Variants in DPP10 observed in about 807,000 individuals in gnomAD.
DPP10 encodes the protein dipeptidyl peptidase like 10.
Under a neutral mutation model 120.9 loss-of-function variants are expected in DPP10, and 33 were observed. That is an observed-to-expected ratio of 0.27 (90% CI 0.21 to 0.37). The LOEUF (loss-of-function observed/expected upper bound fraction) is 0.37. Among genes scored for constraint, DPP10 ranks in the 10% least tolerant of loss-of-function variants. DPP10 has a pLI of 1.00. For missense variants in DPP10, 816 were observed against 942.8 expected (o/e 0.87, Z 1.76); for synonymous variants, 337 against 326.1 (o/e 1.03, Z -0.36).
rs191633164 is a variant in DPP10, at chr2:115,004,837, C to T, written c.61-304402C>T. 7.0e-3 allele frequency among the ~76,000 whole-genome samples: 1,058 copies of T among 152,178 alleles called. 12 individuals carry two copies. The highest frequency in any genetic ancestry group is 0.024 in the African/African-American group (1,011 of 41,518). ...GGCTTGCTTAGGTAAACAAAGCAGCCGGGAAGCTTGAACTGGGTGGAGCCC... is the reference window on the plus strand; with the variant it reads ...GGCTTGCTTAGGTAAACAAAGCAGCTGGGAAGCTTGAACTGGGTGGAGCCC... On this transcript the variant is annotated intron_variant, in intron 1 of 25. Transcript: ENST00000410059.
Position 114,587,233 on chromosome 2 carries a change from G to A in DPP10, c.60+144395G>A, listed in dbSNP as rs376060462. 6.6e-5 allele frequency among the ~76,000 whole-genome samples: 10 copies of A among 151,194 alleles called. No homozygotes were observed. The East Asian group carries it at 7.8e-4, about 12-fold the overall frequency. ...GGAAAATCGCTTGAACCCAGGAGGC[G>A]GAGGTTGCAGTGGGCCAAGATCGCG... On this transcript the variant is annotated intron_variant, in intron 1 of 25. Transcript: ENST00000410059.
intron 1 of DPP10, among the ~76,000 whole-genome samples, chr2:114,696,766 A>G (rs1188772801): frequency 1.3e-5 from 2 of 151,972 alleles, no homozygotes; most frequent in Non-Finnish European, 2.9e-5. Context: ...TGGAGAGGTG[A>G]ATGAAAAAGT....
At chr2:115,646,085 CA>C (rs1226335109) in intron 5 of DPP10, among the ~76,000 whole-genome samples, 1 of 152,018 alleles carries the variant, frequency 6.6e-6, no homozygotes, top group East Asian at 1.9e-4. Flanking sequence ...CATACACATG[CA>C]CACACATGCA....
At position 114,485,514 on chromosome 2, in the gene DPP10, T is replaced by G. The variant is rs371659692; in HGVS notation, c.60+42676T>G. Among the ~76,000 whole-genome samples the G allele has an allele frequency of 3.3e-3, 497 of 150,778 alleles. 2 individuals carry two copies. Among genetic ancestry groups the G allele is most frequent in the African/African-American group, 0.012 (469 of 40,762 alleles). Reference sequence around the variant, plus strand: ...TCTATCTGCTTCCTTAATGTTTCAGTTTGATTATGTGTCATTCAGCATGAG... The same window carrying G: ...TCTATCTGCTTCCTTAATGTTTCAGGTTGATTATGTGTCATTCAGCATGAG... On this transcript the variant is annotated intron_variant, in intron 1 of 25. Transcript: ENST00000410059.
At chr2:115,283,794 A>G (rs2060254509) in intron 1 of DPP10, among the ~76,000 whole-genome samples, 1 of 152,042 alleles carries the variant, frequency 6.6e-6, no homozygotes, top group Non-Finnish European at 1.5e-5. Context: ...ATGAGATTTT[A>G]TTACCATACT....
chr2:115,233,979 C>T (rs1436034144), intron 1 of DPP10: 2 of 516,830 alleles, frequency 3.9e-6, no homozygotes, highest in Non-Finnish European at 7.7e-6. Flanking sequence ...GCCTTCAAAA[C>T]AGTAGGAAGT....
chr2:115,468,243 G>A (rs1260591074), intron 3 of DPP10: 8 of 506,188 alleles, frequency 1.6e-5, no homozygotes, highest in African/African-American at 3.9e-5. Context: ...CTGACCGCTC[G>A]TGTCATTGTT....
chr2:114,568,161 GT>G (rs1334893288), intron 1 of DPP10, among the ~76,000 whole-genome samples: 3 of 151,176 alleles, frequency 2.0e-5, no homozygotes, highest in Non-Finnish European at 2.9e-5. Context: ...CTTCCCCATA[GT>G]TTTTTTTCTT....
intron 1 of DPP10, among the ~76,000 whole-genome samples, chr2:114,524,251 A>C (rs1301678963): frequency 6.6e-6 from 1 of 152,232 alleles, no homozygotes; most frequent in African/African-American, 2.4e-5. Context: ...AGGAAACAGA[A>C]TGTCAGGGAG....
At chr2:115,293,740 A>G (rs768328534) in intron 1 of DPP10, among the ~76,000 whole-genome samples, 3 of 152,000 alleles carry the variant, frequency 2.0e-5, no homozygotes, top group Non-Finnish European at 2.9e-5. Context: ...AGAATGATGG[A>G]GAAAGAGACA....
chr2:115,033,952 C>T (rs1704040963), intron 1 of DPP10, among the ~76,000 whole-genome samples: 2 of 125,330 alleles, frequency 1.6e-5, no homozygotes, highest in African/African-American at 3.1e-5. Context: ...GGCTGTAGTG[C>T]AGTGGTGCAA....
At chr2:115,642,724 TATATGC>T (rs1185265073) in intron 5 of DPP10, among the ~76,000 whole-genome samples, 6 of 152,130 alleles carry the variant, frequency 3.9e-5, no homozygotes, top group Admixed American at 3.9e-4. Flanking sequence ...TGTGTTTACA[TATATGC>T]ATATGCATTA....
chr2:115,502,138 T>G (rs1264129292), intron 4 of DPP10, among the ~76,000 whole-genome samples: 1 of 152,148 alleles, frequency 6.6e-6, no homozygotes, highest in Admixed American at 6.6e-5. Context: ...TATCTTATGA[T>G]ATCTTGTTTG....
At chr2:114,539,200 TTTATAA>T (rs1162290002) in intron 1 of DPP10, among the ~76,000 whole-genome samples, 2 of 148,674 alleles carry the variant, frequency 1.3e-5, no homozygotes, top group East Asian at 1.9e-4. Flanking sequence ...ATAAATTATA[TTTATAA>T]TTATACACAT....
chr2:115,199,480 A>G (rs1333100100), intron 1 of DPP10, among the ~76,000 whole-genome samples: 1 of 152,092 alleles, frequency 6.6e-6, no homozygotes, highest in African/African-American at 2.4e-5. Flanking sequence ...AACTTTCTAC[A>G]TTAAGGGACT....
chr2:115,154,098 T>C (rs1399500128), intron 1 of DPP10, among the ~76,000 whole-genome samples: 2 of 151,964 alleles, frequency 1.3e-5, no homozygotes, highest in Non-Finnish European at 2.9e-5. Flanking sequence ...TTTATGGTCC[T>C]TTTGGCAGTA....
At chr2:114,517,380 T>G (rs1684679918) in intron 1 of DPP10, among the ~76,000 whole-genome samples, 1 of 151,956 alleles carries the variant, frequency 6.6e-6, no homozygotes, top group Non-Finnish European at 1.5e-5. Context: ...ATTAGCCAGG[T>G]GTAGTGTCAC....
intron 1 of DPP10, among the ~76,000 whole-genome samples, chr2:115,023,527 C>T (rs147038126): frequency 1.3e-3 from 198 of 152,088 alleles, no homozygotes; most frequent in Middle Eastern, 6.8e-3. Flanking sequence ...GAAAGGGGAA[C>T]ACTTTTATAC....
intron 1 of DPP10, among the ~76,000 whole-genome samples, chr2:115,044,895 T>C (rs1704944560): frequency 6.6e-6 from 1 of 152,214 alleles, no homozygotes; most frequent in Middle Eastern, 3.2e-3. Context: ...TCCCAGCTTA[T>C]TTCACTCAAC....
Sources: allele counts gnomAD v4.1 joint callset (sites outside exome capture counted in the v4.1 genomes callset), GRCh38; gene constraint gnomAD v4.1.1; transcripts MANE v1.5; gene names NCBI Gene and HGNC (gene_info 2026-07-23, HGNC 2026-07-21).